PTPN11: variants seen among roughly 807,000 people sequenced by gnomAD.
PTPN11 encodes the protein protein tyrosine phosphatase non-receptor type 11.
PTPN11 carries 6 observed loss-of-function variants against 78.8 expected under a neutral mutation model. The observed-to-expected ratio is 0.08, with a 90% CI of 0.04 to 0.15. The LOEUF (loss-of-function observed/expected upper bound fraction) is 0.15. PTPN11 is among the 10% of genes least tolerant of loss of function. PTPN11 has a pLI of 1.00. For synonymous variants in PTPN11, 221 were observed against 263.5 expected (o/e 0.84, Z 1.56); for missense variants, 386 against 744.8 (o/e 0.52, Z 5.61).
chr12:112,454,523 A>G (rs777805600), intron 4 of PTPN11, 41 bp from the exon 5 acceptor site: 2 of 1,437,350 alleles, frequency 1.4e-6, no homozygotes, highest in South Asian at 1.1e-5. Context: ...AATGTAACAT[A>G]AAGGTAACAA....
intron 6 of PTPN11, among the ~76,000 whole-genome samples, chr12:112,456,273 G>A (rs2038158518): frequency 6.6e-6 from 1 of 152,134 alleles, no homozygotes; most frequent in Admixed American, 6.6e-5. Context: ...TTGGCAGTGA[G>A]TAGTCAATGG....
rs142829342 is a variant in PTPN11 at position 112,431,769 on chromosome 12, A to G, written c.14+12644A>G. Among the ~76,000 whole-genome samples the G allele has an allele frequency of 5.4e-3, 822 of 152,336 alleles. 6 individuals are homozygous for G. The highest frequency in any genetic ancestry group is 8.4e-3 in the Non-Finnish European group (574 of 68,032). On this transcript the variant is annotated intron_variant, in intron 1 of 15. Transcript: ENST00000351677. ...GAAACTCCAAGGGCGTTCTGTGCTA[A>G]ACATTTTGCATGTATTAATTAATTT...
rs2038606620 is a variant in PTPN11 at position 112,482,147 on chromosome 12, A to G, written c.1166A>G (p.Lys389Arg). The change falls in exon 10 of 16, where the codon AAA (lysine) becomes AGA (arginine). Residue 389 changes from lysine (K) to arginine (R), a missense_variant. Coordinates refer to ENST00000351677, the MANE Select transcript of PTPN11 (RefSeq NM_002834.5). The surrounding 1 kb of genome is among the most constrained non-coding windows in gnomAD (Gnocchi z 4.4). ...EYGVMRVRNV[K>R]ESAAHDYTLR... The stretch of plus-strand genomic sequence containing the variant: ...GGCGTCATGCGTGTTAGGAACGTCA[A>G]AGAAAGCGCCGCTCATGACTATACG... 6.2e-7 allele frequency: 1 copy of G among 1,613,298 alleles called. No individual in the cohort carries two copies.
chr12:112,442,826 C>CTT (rs1491238623), intron 1 of PTPN11, among the ~76,000 whole-genome samples: 5 of 63,770 alleles, frequency 7.8e-5, no homozygotes, highest in African/African-American at 1.2e-4. Flanking sequence ...CTCTCTCTCT[C>CTT]TTTTTATATA....
chr12:112,485,999 GAA>G (rs2038668933), intron 10 of PTPN11, among the ~76,000 whole-genome samples: 1 of 120,624 alleles, frequency 8.3e-6, no homozygotes, highest in Non-Finnish European at 1.6e-5. Flanking sequence ...AAAAAAAAAA[GAA>G]TGATACTATA....
intron 1 of PTPN11, among the ~76,000 whole-genome samples, chr12:112,436,016 C>G (rs1317052014): frequency 6.6e-6 from 1 of 151,824 alleles, no homozygotes; most frequent in African/African-American, 2.4e-5. Context: ...GGGACCCCAT[C>G]TCTATTTTAT....
In PTPN11 at chr12:112,508,667, G is replaced by A. The variant is rs2038965276; in HGVS notation, c.*2875G>A. On this transcript the variant is annotated 3_prime_UTR_variant, in exon 16 of 16. Coordinates refer to ENST00000351677, the MANE Select transcript of PTPN11 (RefSeq NM_002834.5). ...GGTGAAAGAATTATCTGGCACATTA[G>A]GTATTGGAGTTTAAAAAAAAAGCCA... The A allele has an allele frequency of 6.6e-6, 1 of 152,022 alleles. No individual in the cohort carries two copies. Among genetic ancestry groups the A allele is most frequent in the South Asian group, 2.1e-4 (1 of 4,826 alleles). 9.4% of individuals were successfully genotyped at this position (152,022 alleles called of 1,614,324 possible).
intron 9 of PTPN11, 115 bp from the exon 10 acceptor site, chr12:112,481,959 G>A (rs1023587780): frequency 8.8e-7 from 1 of 1,141,298 alleles, no homozygotes; most frequent in South Asian, 1.3e-5. Flanking sequence ...TGCGAAACAG[G>A]CCATTTTCCA....
At chr12:112,491,459 C>T (rs1383106912) in intron 13 of PTPN11, among the ~76,000 whole-genome samples, 1 of 151,944 alleles carries the variant, frequency 6.6e-6, no homozygotes, top group Non-Finnish European at 1.5e-5. Context: ...ACCCCTTTGT[C>T]TCTAAATATC....
intron 13 of PTPN11, among the ~76,000 whole-genome samples, chr12:112,501,034 A>AGCTGGGACTACAGGCCTGTGCC (rs1291921739): frequency 6.6e-6 from 1 of 152,172 alleles, no homozygotes; most frequent in African/African-American, 2.4e-5. Context: ...CCTCCCGAGT[A>AGCTGGGACTACAGGCCTGTGCC]GCTGGGACTA....
At chr12:112,488,160 T>C (rs963301671) in intron 11 of PTPN11, among the ~76,000 whole-genome samples, 1 of 152,172 alleles carries the variant, frequency 6.6e-6, no homozygotes, top group Non-Finnish European at 1.5e-5. Context: ...CTGTATGGTA[T>C]GTGCTGTTGT....
chr12:112,420,874 A>AAT (rs2037513891), intron 1 of PTPN11, among the ~76,000 whole-genome samples: 1 of 152,228 alleles, frequency 6.6e-6, no homozygotes, highest in South Asian at 2.1e-4. Context: ...GGAGCTTTTA[A>AAT]ATAAACAGTT....
chr12:112,456,619 C>T lies in PTPN11; in HGVS notation c.756+556C>T, dbSNP rs1169815959. Reference sequence around the variant, plus strand: ...GGACTACAGGCACATGCCCCTATGCCTGGCTAATTTTTGTATTTTTGGTAG... The same window carrying T: ...GGACTACAGGCACATGCCCCTATGCTTGGCTAATTTTTGTATTTTTGGTAG... On this transcript the variant is annotated intron_variant, in intron 6 of 15. Coordinates refer to ENST00000351677, the MANE Select transcript of PTPN11 (RefSeq NM_002834.5). Among the ~76,000 whole-genome samples the T allele has an allele frequency of 2.6e-5, 4 of 152,074 alleles. No individual in the cohort carries two copies. In the East Asian group the frequency reaches 7.7e-4, roughly 29 times the overall value.
At chr12:112,444,489 G>A (rs1566163940) in intron 1 of PTPN11, among the ~76,000 whole-genome samples, 1 of 151,894 alleles carries the variant, frequency 6.6e-6, no homozygotes, top group South Asian at 2.1e-4. Context: ...TTACAGGCAC[G>A]CGCCACCACG....
chr12:112,453,157 G>T, intron 3 of PTPN11, 38 bp from the exon 4 acceptor site: 1 of 1,558,128 alleles, frequency 6.4e-7, no homozygotes. Flanking sequence ...TGAACCCATA[G>T]TAGAGCTAAA....
rs567490227 is a variant in PTPN11, at chr12:112,424,867, T to TTGTG, written c.14+5762_14+5765dup. ...GGCACACGCCACCATGTCAGGCTAA[T>TTGTG]TGTGTGTGTGTGTGTGTGTGTGTAT... is the stretch of plus-strand genomic sequence containing the variant. On this transcript the variant is annotated intron_variant, in intron 1 of 15. Transcript: ENST00000351677. Among the ~76,000 whole-genome samples the TTGTG allele has an allele frequency of 2.2e-3, 303 of 135,148 alleles. 9 individuals are homozygous for TTGTG. Among genetic ancestry groups the TTGTG allele is most frequent in the Admixed American group, 7.1e-3 (88 of 12,316 alleles). The allele number at this position is 135,148 out of a possible 152,430, so 88.7% of individuals were successfully genotyped here.
intron 1 of PTPN11, among the ~76,000 whole-genome samples, chr12:112,428,601 G>C (rs1435573666): frequency 6.6e-6 from 1 of 150,816 alleles, no homozygotes; most frequent in South Asian, 2.1e-4. Flanking sequence ...TTGAATACAC[G>C]TATTAAACCT....
intron 9 of PTPN11, among the ~76,000 whole-genome samples, chr12:112,479,064 C>T (rs768104277): frequency 3.0e-4 from 46 of 152,306 alleles, no homozygotes; most frequent in South Asian, 2.5e-3. Context: ...CTCTGCCTAA[C>T]TGTCCTCCCA....
rs369739920 is a variant in PTPN11, at chr12:112,477,913, A to C, written c.990A>C (p.Thr330=). The change falls in exon 9 of 16, where the codon ACA becomes ACC. Residue 330 remains threonine (T), a synonymous_variant. Coordinates refer to ENST00000351677, the MANE Select transcript of PTPN11 (RefSeq NM_002834.5). ...AGCCCAAAAAGAGTTACATTGCCACACAAGGCTGCCTGCAAAACACGGTGA... is the reference window on the plus strand; with the variant it reads ...AGCCCAAAAAGAGTTACATTGCCACCCAAGGCTGCCTGCAAAACACGGTGA... ...NSKPKKSYIA[T]QGCLQNTVND... is the part of the protein sequence containing the mutation. 43 of 1,614,112 alleles carry C rather than the reference A, an allele frequency of 2.7e-5. No homozygotes were observed. The East Asian group carries it at 2.7e-4, about 10-fold the overall frequency.
Sources: allele counts gnomAD v4.1 joint callset (sites outside exome capture counted in the v4.1 genomes callset), GRCh38; gene constraint gnomAD v4.1.1; non-coding constraint Gnocchi (gnomAD v3.1); transcripts MANE v1.5; gene names NCBI Gene and HGNC (gene_info 2026-07-23, HGNC 2026-07-21).